Variants in MRTFB observed in about 807,000 individuals in gnomAD.
The protein encoded by MRTFB is myocardin related transcription factor B, also known as myocardin-related transcription factor B.
In MRTFB, 29 loss-of-function variants were observed where a neutral mutation model predicts 104.2. The observed-to-expected ratio is 0.28, with a 90% CI of 0.21 to 0.38. MRTFB has a LOEUF of 0.38. Among genes scored for constraint, MRTFB ranks in the 10% least tolerant of loss-of-function variants. The pLI is 1.00. For missense variants in MRTFB, 1,270 were observed against 1,341.6 expected, an observed-to-expected ratio of 0.95 and a Z score of 0.83; for synonymous variants, 535 against 519.5, an observed-to-expected ratio of 1.03 and a Z score of -0.41.
chr16:14,015,664 A>G, the MRTFB span, among the ~76,000 whole-genome samples: 1 of 152,210 alleles, frequency 6.6e-6, no homozygotes, highest in African/African-American at 2.4e-5. Flanking sequence ...AGGTGGCACC[A>G]GGAATGGATC....
chr16:14,078,106 G>C (rs781574237), intron 1 of MRTFB, among the ~76,000 whole-genome samples: 43 of 151,942 alleles, frequency 2.8e-4, no homozygotes, highest in Non-Finnish European at 5.1e-4. Flanking sequence ...ATAGTGCTAC[G>C]TAATTCTGCC....
chr16:14,089,260 G>A (rs1459598997), intron 2 of MRTFB, among the ~76,000 whole-genome samples: 2 of 151,956 alleles, frequency 1.3e-5, no homozygotes, highest in African/African-American at 4.8e-5. Flanking sequence ...CTAATTCCAG[G>A]ACACTTTCAT....
the MRTFB span, among the ~76,000 whole-genome samples, chr16:14,036,216 A>C: frequency 7.1e-5 from 9 of 127,126 alleles, no homozygotes; most frequent in Non-Finnish European, 1.1e-4. Flanking sequence ...ATTATATAAA[A>C]TATATATAAT....
the MRTFB span, among the ~76,000 whole-genome samples, chr16:14,031,610 A>G: frequency 6.6e-6 from 1 of 152,116 alleles, no homozygotes; most frequent in African/African-American, 2.4e-5. Flanking sequence ...AGAAATATAT[A>G]TATTTTGGTC....
intron 3 of MRTFB, among the ~76,000 whole-genome samples, chr16:14,157,328 A>C (rs2038863984): frequency 6.6e-6 from 1 of 152,244 alleles, no homozygotes; most frequent in African/African-American, 2.4e-5. Context: ...GAGTGGTAGA[A>C]TAGAAATAAG....
intron 3 of MRTFB, among the ~76,000 whole-genome samples, chr16:14,171,893 G>C (rs2039434839): frequency 6.6e-6 from 1 of 152,096 alleles, no homozygotes; most frequent in Non-Finnish European, 1.5e-5. Flanking sequence ...TTAGCCTACA[G>C]GTATATAGTC....
chr16:14,177,973 C>T lies in MRTFB; in HGVS notation c.155-32270C>T, dbSNP rs1312697779. Among the ~76,000 whole-genome samples, 1 of 149,696 alleles carries T rather than the reference C, an allele frequency of 6.7e-6. No individual in the cohort carries two copies. Among genetic ancestry groups the T allele is most frequent in the Non-Finnish European group, 1.5e-5 (1 of 67,640 alleles). On this transcript the variant is annotated intron_variant, in intron 3 of 16. Transcript: ENST00000571589. This position sits in a 1 kb window ranked among gnomAD's most constrained non-coding sequence, Gnocchi z 4.7. ...GGGTGTTTAGAGTTAATAATTGATG[C>T]CAGTACACAGTTTGAAATTATTAGG...
At chr16:14,175,792 A>T (rs1027199203) in intron 3 of MRTFB, among the ~76,000 whole-genome samples, 4 of 152,318 alleles carry the variant, frequency 2.6e-5, no homozygotes, top group Non-Finnish European at 5.9e-5. Context: ...AAAGGAACCA[A>T]CCACCGATGA....
the MRTFB span, among the ~76,000 whole-genome samples, chr16:14,014,262 A>T: frequency 1.3e-5 from 2 of 152,208 alleles, no homozygotes; most frequent in African/African-American, 4.8e-5. Context: ...CAAGAGTCTC[A>T]GTGCCGGGCA....
chr16:14,027,714 C>T, the MRTFB span, among the ~76,000 whole-genome samples: 1 of 152,126 alleles, frequency 6.6e-6, no homozygotes, highest in Non-Finnish European at 1.5e-5. Context: ...TAAACTACTT[C>T]AAATTTTAAG....
the MRTFB span, among the ~76,000 whole-genome samples, chr16:14,002,245 A>T: frequency 6.6e-6 from 1 of 151,828 alleles, no homozygotes; most frequent in African/African-American, 2.4e-5. Flanking sequence ...TAATTGGCCA[A>T]AGTTGGGGGT....
chr16:13,999,463 A>G, the MRTFB span, among the ~76,000 whole-genome samples: 1 of 151,388 alleles, frequency 6.6e-6, no homozygotes, highest in Non-Finnish European at 1.5e-5. Flanking sequence ...AGTCAGAGCC[A>G]GTGAAACTCA....
intron 8 of MRTFB, among the ~76,000 whole-genome samples, chr16:14,224,353 A>T (rs1480948253): frequency 6.6e-6 from 1 of 152,172 alleles, no homozygotes; most frequent in Non-Finnish European, 1.5e-5. Flanking sequence ...TACTACACCT[A>T]CTACAGTGTG....
At chr16:14,061,625 T>C in the MRTFB span, among the ~76,000 whole-genome samples, 1 of 145,184 alleles carries the variant, frequency 6.9e-6, no homozygotes, top group Admixed American at 7.2e-5. Flanking sequence ...CTCAATCTAG[T>C]GGTTAAAAGC....
intron 1 of MRTFB, among the ~76,000 whole-genome samples, chr16:14,075,690 C>T (rs1054637247): frequency 5.3e-5 from 8 of 152,214 alleles, no homozygotes; most frequent in Non-Finnish European, 1.0e-4. Flanking sequence ...TCTGTTCTCT[C>T]TTCTAATTCC....
the MRTFB span, among the ~76,000 whole-genome samples, chr16:14,011,359 G>A: frequency 6.6e-6 from 1 of 152,226 alleles, no homozygotes; most frequent in Non-Finnish European, 1.5e-5. Context: ...ATCTGTGAAA[G>A]TGGGTGAGAG....
the MRTFB span, among the ~76,000 whole-genome samples, chr16:13,998,732 G>A: frequency 6.6e-6 from 1 of 151,152 alleles, no homozygotes; most frequent in East Asian, 1.9e-4. Flanking sequence ...AGAAGAAGGA[G>A]GAGGAGGAAC....
chr16:14,197,512 A>G (rs1255329723), intron 3 of MRTFB, among the ~76,000 whole-genome samples: 1 of 152,222 alleles, frequency 6.6e-6, no homozygotes, highest in African/African-American at 2.4e-5. Flanking sequence ...TGCCCCCATG[A>G]TAATCACTTG....
At chr16:14,224,663 A>G (rs972011426) in intron 8 of MRTFB, among the ~76,000 whole-genome samples, 1 of 152,238 alleles carries the variant, frequency 6.6e-6, no homozygotes, top group Non-Finnish European at 1.5e-5. Context: ...CTTGAAGACC[A>G]GAAGGCAGTG....
Sources: gnomAD v4.1 joint callset for allele counts (sites outside exome capture counted in the v4.1 genomes callset) on GRCh38, gnomAD v4.1.1 for gene constraint, Gnocchi (gnomAD v3.1) non-coding constraint, MANE v1.5 for transcripts, NCBI Gene and HGNC (gene_info 2026-07-23, HGNC 2026-07-21) for gene names.